Variants in ZBTB38 observed in about 807,000 individuals in gnomAD.
ZBTB38 encodes zinc finger and BTB domain-containing protein 38.
ZBTB38 carries 20 observed loss-of-function variants against 76.8 expected under a neutral mutation model. The observed-to-expected ratio is 0.26, with a 90% CI of 0.18 to 0.38. The LOEUF (loss-of-function observed/expected upper bound fraction) is 0.38, where lower values mean the gene tolerates loss of function less well. Ranked by LOEUF, ZBTB38 falls within the 10% of genes least tolerant of loss-of-function variation. The pLI is 1.00. For synonymous variants in ZBTB38, 504 were observed against 544.2 expected (o/e 0.93, Z 1.03); for missense variants, 1,082 against 1,482.3 (o/e 0.73, Z 4.43).
intron 1 of ZBTB38, among the ~76,000 whole-genome samples, chr3:141,340,703 C>T (rs751208799): frequency 6.6e-6 from 1 of 151,944 alleles, no homozygotes; most frequent in Non-Finnish European, 1.5e-5. Context: ...CAAGACCATC[C>T]TGGCTGACAT....
chr3:141,339,270 A>G (rs1352094132), intron 1 of ZBTB38, among the ~76,000 whole-genome samples: 1 of 152,232 alleles, frequency 6.6e-6, no homozygotes, highest in Admixed American at 6.5e-5. Flanking sequence ...GACCCAGTTC[A>G]CTTGAACTGT....
In ZBTB38 at chr3:141,443,372, T is replaced by C. The variant is rs1462010447; in HGVS notation, c.984T>C (p.Asp328=). 1 of 1,614,248 alleles carries C rather than the reference T, an allele frequency of 6.2e-7. No individual in the cohort carries two copies. Among genetic ancestry groups the C allele is most frequent in the Non-Finnish European group, 8.5e-7 (1 of 1,180,048 alleles). The change falls in exon 6 of 6, where the codon GAT becomes GAC. Residue 328 remains aspartate (D), a synonymous_variant. Coordinates refer to ENST00000321464, the MANE Select transcript of ZBTB38 (RefSeq NM_001376113.1). This position sits in a 1 kb window ranked among gnomAD's most constrained non-coding sequence, Gnocchi z 5.6. ...GGGAAGATGAAAATCAATCTTCTGA[T>C]GTTCCCGGGCCGCCAGCCGCAGAGG... ...FSREDENQSS[D]VPGPPAAEVP...
intron 5 of ZBTB38, among the ~76,000 whole-genome samples, chr3:141,427,036 C>T (rs1261973691): frequency 6.6e-6 from 1 of 151,976 alleles, no homozygotes; most frequent in Non-Finnish European, 1.5e-5. Flanking sequence ...TATGACCACC[C>T]ATTAGCATAG....
At position 141,413,835 on chromosome 3, in the gene ZBTB38, AC is replaced by A. The variant is rs1226730035; in HGVS notation, c.-1+9806del. On this transcript the variant is annotated intron_variant, in intron 5 of 5. Transcript: ENST00000321464. The surrounding 1 kb of genome is among the most constrained non-coding windows in gnomAD (Gnocchi z 4.1). ...ACTGGAGCAAAGTGAAGAGTTTGATACCTGCCACTCTGTCTCTGAAGATTTA... is the reference window on the plus strand; with the variant it reads ...ACTGGAGCAAAGTGAAGAGTTTGATACTGCCACTCTGTCTCTGAAGATTTA... Among the ~76,000 whole-genome samples, 20 of 152,102 alleles carry A rather than the reference AC, an allele frequency of 1.3e-4. No homozygotes were observed. The highest frequency in any genetic ancestry group is 4.6e-4 in the African/African-American group (19 of 41,548).
chr3:141,332,406 C>T (rs1034434517), intron 1 of ZBTB38, among the ~76,000 whole-genome samples: 5 of 152,192 alleles, frequency 3.3e-5, no homozygotes, highest in Non-Finnish European at 5.9e-5. Flanking sequence ...GTCCCACATA[C>T]TGGGTGGCAG....
At chr3:141,331,605 G>A (rs540949152) in intron 1 of ZBTB38, among the ~76,000 whole-genome samples, 2 of 152,226 alleles carry the variant, frequency 1.3e-5, no homozygotes, top group South Asian at 4.2e-4. Context: ...TTTTGTGTAG[G>A]TGTTTGTGTT....
At chr3:141,414,942 T>C (rs181520421) in intron 5 of ZBTB38, among the ~76,000 whole-genome samples, 34 of 152,262 alleles carry the variant, frequency 2.2e-4, no homozygotes, top group Non-Finnish European at 4.3e-4. Context: ...CTTTTCTGCA[T>C]ATCTTTTAAC....
At chr3:141,384,014 A>T (rs1946583242) in intron 3 of ZBTB38, among the ~76,000 whole-genome samples, 2 of 152,220 alleles carry the variant, frequency 1.3e-5, no homozygotes, top group Non-Finnish European at 2.9e-5. Flanking sequence ...GAAAGTATAA[A>T]ACAGGATTTA....
At chr3:141,361,903 A>G (rs1046819032) in intron 1 of ZBTB38, among the ~76,000 whole-genome samples, 2 of 152,254 alleles carry the variant, frequency 1.3e-5, no homozygotes, top group African/African-American at 2.4e-5. Context: ...TGAGGGATCT[A>G]CAACACTGGT....
intron 5 of ZBTB38, among the ~76,000 whole-genome samples, chr3:141,441,528 C>T (rs2080206514): frequency 1.3e-5 from 2 of 152,174 alleles, no homozygotes; most frequent in Admixed American, 6.5e-5. Context: ...CCTGATGAGT[C>T]ACCATAGGGC....
intron 5 of ZBTB38, among the ~76,000 whole-genome samples, chr3:141,408,419 C>T (rs142556308): frequency 1.1e-3 from 160 of 152,264 alleles, no homozygotes; most frequent in Non-Finnish European, 1.9e-3. Flanking sequence ...TGGTGGCGCA[C>T]ACCTGTAGCC....
intron 1 of ZBTB38, among the ~76,000 whole-genome samples, chr3:141,331,348 G>T (rs898126334): frequency 3.3e-5 from 5 of 152,186 alleles, no homozygotes; most frequent in Admixed American, 2.0e-4. Context: ...ACAAATTCAG[G>T]CTACTGATTA....
chr3:141,335,985 T>C (rs2148893209), intron 1 of ZBTB38, among the ~76,000 whole-genome samples: 1 of 152,290 alleles, frequency 6.6e-6, no homozygotes, highest in Middle Eastern at 3.4e-3. Flanking sequence ...GAAAATATCA[T>C]ATATTCTTTT....
intron 5 of ZBTB38, among the ~76,000 whole-genome samples, chr3:141,438,667 C>T (rs2079378949): frequency 6.6e-6 from 1 of 152,190 alleles, no homozygotes; most frequent in Non-Finnish European, 1.5e-5. Context: ...CCCTCTGAGC[C>T]TTTCAGCATA....
chr3:141,421,552 G>A (rs77825369), intron 5 of ZBTB38, among the ~76,000 whole-genome samples: 2,496 of 152,190 alleles, frequency 0.016, 26 homozygotes, highest in Non-Finnish European at 0.023. Context: ...AGAAATTGGA[G>A]ATGTATAGCC....
intron 1 of ZBTB38, among the ~76,000 whole-genome samples, chr3:141,362,495 T>C (rs1459979059): frequency 6.6e-6 from 1 of 152,170 alleles, no homozygotes; most frequent in East Asian, 1.9e-4. Context: ...ATTGAGCCAT[T>C]ATTATATATC....
intron 5 of ZBTB38, among the ~76,000 whole-genome samples, chr3:141,411,801 G>A (rs1374149927): frequency 2.0e-5 from 3 of 152,174 alleles, no homozygotes; most frequent in Non-Finnish European, 4.4e-5. Flanking sequence ...TTGCACAGAA[G>A]CACCATAAAT....
intron 5 of ZBTB38, chr3:141,431,995 C>T (rs2077714105): frequency 5.8e-6 from 4 of 692,226 alleles, no homozygotes; most frequent in Non-Finnish European, 5.3e-6. Context: ...AATCTGTTTT[C>T]GAGATCTGAT....
intron 2 of ZBTB38, among the ~76,000 whole-genome samples, chr3:141,379,833 A>G (rs186897653): frequency 6.6e-6 from 1 of 152,366 alleles, no homozygotes; most frequent in African/African-American, 2.4e-5. Context: ...CTCAAGTGAC[A>G]TTGAGAAGTT....
Sources: allele counts gnomAD v4.1 joint callset (sites outside exome capture counted in the v4.1 genomes callset), GRCh38; gene constraint gnomAD v4.1.1; non-coding constraint Gnocchi (gnomAD v3.1); transcripts MANE v1.5; gene names NCBI Gene and HGNC (gene_info 2026-07-23, HGNC 2026-07-21).